The following AMPH variants were observed in gnomAD, a reference collection of about 807,000 sequenced individuals.
AMPH encodes amphiphysin.
A neutral mutation model predicts 99.1 loss-of-function variants in AMPH; 49 were observed. That is an observed-to-expected ratio of 0.49 (90% CI 0.39 to 0.63). The LOEUF (loss-of-function observed/expected upper bound fraction) is 0.63. Ranked by LOEUF, AMPH falls within the 20% of genes least tolerant of loss-of-function variation. The probability of loss-of-function intolerance (pLI) is 0.00; values close to 1 mark genes in which losing one functional copy is unlikely to be tolerated. For synonymous variants in AMPH, 314 were observed against 317.3 expected, an observed-to-expected ratio of 0.99 and a Z score of 0.11; for missense variants, 759 against 863.4, an observed-to-expected ratio of 0.88 and a Z score of 1.52.
Position 38,535,024 on chromosome 7 carries a change from T to C in AMPH, c.70-13A>G. 6.2e-7 allele frequency: 1 copy of C among 1,604,542 alleles called. No individual in the cohort carries two copies. The highest frequency in any genetic ancestry group is 8.5e-7 in the Non-Finnish European group (1 of 1,171,736). On this transcript the variant is annotated splice_polypyrimidine_tract_variant and intron_variant, in intron 1 of 20. Coordinates refer to ENST00000356264, the MANE Select transcript of AMPH (RefSeq NM_001635.4). ...GCTTTTGGAGGACCTAATTTGCAAA[T>C]AAAACAAAATGGTTTAATTTAATAA...
At chr7:38,474,838 T>C (rs913671210) in intron 7 of AMPH, among the ~76,000 whole-genome samples, 17 of 152,216 alleles carry the variant, frequency 1.1e-4, no homozygotes, top group Non-Finnish European at 1.9e-4. Flanking sequence ...AAAATACAAA[T>C]ACAGTTCAGA....
At chr7:38,561,043 C>A (rs1465796382) in intron 1 of AMPH, among the ~76,000 whole-genome samples, 1 of 152,140 alleles carries the variant, frequency 6.6e-6, no homozygotes, top group East Asian at 1.9e-4. Flanking sequence ...TTTAATGAAG[C>A]ATCAACAGAT....
At chr7:38,460,652 G>A (rs1325036065) in intron 11 of AMPH, among the ~76,000 whole-genome samples, 1 of 152,134 alleles carries the variant, frequency 6.6e-6, no homozygotes, top group Non-Finnish European at 1.5e-5. Context: ...AGAAACAATC[G>A]ATCTCATGGA....
intron 2 of AMPH, among the ~76,000 whole-genome samples, chr7:38,530,821 A>G (rs913170622): frequency 1.3e-5 from 2 of 152,232 alleles, no homozygotes; most frequent in African/African-American, 4.8e-5. Flanking sequence ...AGAGACCAAA[A>G]ATAGAACGGG....
chr7:38,587,148 A>G (rs1178160884), intron 1 of AMPH, among the ~76,000 whole-genome samples: 1 of 152,194 alleles, frequency 6.6e-6, no homozygotes, highest in Non-Finnish European at 1.5e-5. Context: ...CCAATTTTAT[A>G]ACTTTTTTCG....
At chr7:38,572,818 G>A (rs56116106) in intron 1 of AMPH, among the ~76,000 whole-genome samples, 42,353 of 151,946 alleles carry the variant, frequency 0.28, 6,271 homozygotes, top group Non-Finnish European at 0.33. Context: ...AGGGAGTGTG[G>A]GATAGGAACA....
At chr7:38,469,447 C>T (rs962493688) in intron 7 of AMPH, among the ~76,000 whole-genome samples, 19 of 152,158 alleles carry the variant, frequency 1.2e-4, no homozygotes, top group East Asian at 5.8e-4. Context: ...CTTCGCAATG[C>T]CCTAAGGAAA....
intron 1 of AMPH, among the ~76,000 whole-genome samples, chr7:38,593,459 G>A (rs113381662): frequency 1.2e-4 from 18 of 152,334 alleles, no homozygotes; most frequent in Admixed American, 3.3e-4. Context: ...AACAAGCAGC[G>A]TTCCTGAGTG....
At chr7:38,429,789 G>A in intron 14 of AMPH, 53 bp downstream of exon 14, 1 of 1,520,120 alleles carries the variant, frequency 6.6e-7, no homozygotes, top group East Asian at 2.3e-5. Flanking sequence ...TACTATGTAT[G>A]TAATGCATAT....
At chr7:38,575,648 T>C (rs1792211676) in intron 1 of AMPH, among the ~76,000 whole-genome samples, 1 of 152,162 alleles carries the variant, frequency 6.6e-6, no homozygotes, top group Non-Finnish European at 1.5e-5. Flanking sequence ...CCTTCCACCA[T>C]TATTATAAGT....
intron 2 of AMPH, among the ~76,000 whole-genome samples, chr7:38,521,641 C>CT (rs1056207433): frequency 3.3e-5 from 5 of 151,170 alleles, no homozygotes; most frequent in Admixed American, 6.6e-5. Context: ...TGCATCATCT[C>CT]TTTTTTTTTA....
At chr7:38,392,111 T>G (rs878857057) in intron 18 of AMPH, 94 bp from the exon 19 acceptor site, 55 of 1,308,766 alleles carry the variant, frequency 4.2e-5, no homozygotes, top group Admixed American at 1.9e-4. Context: ...AGCCCAAAGC[T>G]GGGGCTGCCA....
At position 38,592,680 on chromosome 7, in the gene AMPH, G is replaced by A. The variant is rs551626714; in HGVS notation, c.69+38603C>T. Reference sequence around the variant, plus strand: ...CAGGTGGTGGATGTTGCAGTGTGCTGAGGTCATGCCACTGCACTCCAGCCT... The same window carrying A: ...CAGGTGGTGGATGTTGCAGTGTGCTAAGGTCATGCCACTGCACTCCAGCCT... On this transcript the variant is annotated intron_variant, in intron 1 of 20. Transcript: ENST00000356264. Among the ~76,000 whole-genome samples the A allele has an allele frequency of 1.5e-4, 22 of 150,650 alleles. No homozygotes were observed. In the South Asian group the frequency reaches 4.4e-3, roughly 30 times the overall value.
In AMPH at chr7:38,551,492, T is replaced by A. The variant is rs1157053567; in HGVS notation, c.70-16481A>T. Among the ~76,000 whole-genome samples the A allele has an allele frequency of 3.3e-5, 5 of 152,188 alleles. No homozygotes were observed. The East Asian group carries it at 9.6e-4, about 29-fold the overall frequency. Reference sequence around the variant, plus strand: ...TTCTTTTTTCCTTTCCCTCCTCACCTCCTATTAGGAGTCCCCAGACTTTGT... The same window carrying A: ...TTCTTTTTTCCTTTCCCTCCTCACCACCTATTAGGAGTCCCCAGACTTTGT... On this transcript the variant is annotated intron_variant, in intron 1 of 20. Coordinates refer to ENST00000356264, the MANE Select transcript of AMPH (RefSeq NM_001635.4).
chr7:38,631,254 G>A (rs1261414716), intron 1 of AMPH, 29 bp downstream of exon 1: 8 of 1,505,920 alleles, frequency 5.3e-6, no homozygotes, highest in South Asian at 1.2e-5. Flanking sequence ...TGGCGTCCCC[G>A]GCCCCAGCCC....
intron 9 of AMPH, among the ~76,000 whole-genome samples, chr7:38,463,886 C>T (rs112237863): frequency 8.5e-5 from 13 of 152,270 alleles, no homozygotes; most frequent in South Asian, 4.1e-4. Context: ...GTCTACAGCT[C>T]GAAGAAACAG....
chr7:38,501,284 G>C (rs1055679638), intron 3 of AMPH, among the ~76,000 whole-genome samples: 3 of 152,090 alleles, frequency 2.0e-5, no homozygotes, highest in Admixed American at 2.0e-4. Context: ...TTCACCTCCC[G>C]GGTTCAAGCA....
At chr7:38,445,170 A>C (rs1425287276) in intron 11 of AMPH, among the ~76,000 whole-genome samples, 3 of 151,316 alleles carry the variant, frequency 2.0e-5, no homozygotes, top group African/African-American at 7.3e-5. Context: ...CAAAGGTACA[A>C]AGGCAATTTA....
chr7:38,627,828 T>C lies in AMPH; in HGVS notation c.69+3455A>G, dbSNP rs191088256. 2.1e-4 allele frequency among the ~76,000 whole-genome samples: 32 copies of C among 152,238 alleles called. No homozygotes were observed. The East Asian group carries it at 6.2e-3, about 29-fold the overall frequency. ...TCTAAATTTATATGTACAAGAACCA[T>C]ATATAAATTGTTAGATATTATTATT... On this transcript the variant is annotated intron_variant, in intron 1 of 20. Coordinates refer to ENST00000356264, the MANE Select transcript of AMPH (RefSeq NM_001635.4).
Sources: allele counts gnomAD v4.1 joint callset (sites outside exome capture counted in the v4.1 genomes callset), GRCh38; gene constraint gnomAD v4.1.1; transcripts MANE v1.5; gene names NCBI Gene and HGNC (gene_info 2026-07-23, HGNC 2026-07-21).